The following ZNF605 variants were observed in gnomAD, a reference collection of about 807,000 sequenced individuals.
ZNF605 encodes zinc finger protein 605.
ZNF605 carries 9 observed loss-of-function variants against 7.9 expected under a neutral mutation model. That is an observed-to-expected ratio of 1.14 (90% CI 0.68 to 1.98). The LOEUF is 1.98. Among genes scored for constraint, ZNF605 ranks in the 30% most tolerant of loss-of-function variants. The pLI is 0.00. For synonymous variants in ZNF605, 255 were observed against 260.1 expected (o/e 0.98, Z 0.19); for missense variants, 673 against 762.4 (o/e 0.88, Z 1.38).
chr12:132,933,172 C>T lies in ZNF605; in HGVS notation c.16-17G>A. On this transcript the variant is annotated splice_polypyrimidine_tract_variant and intron_variant, in intron 3 of 4. Coordinates refer to ENST00000360187, the MANE Select transcript of ZNF605 (RefSeq NM_183238.4). This position sits in a 1 kb window ranked among gnomAD's most constrained non-coding sequence, Gnocchi z 4.4. ...AAATGATATCTGGAAAAGCATAATC[C>T]CTGTTAAACCTGAAGTGGTTCTCAT... The T allele has an allele frequency of 6.3e-7, 1 of 1,590,966 alleles. No individual in the cohort carries two copies. Among genetic ancestry groups the T allele is most frequent in the Non-Finnish European group, 8.6e-7 (1 of 1,169,514 alleles).
At chr12:132,928,433 T>C (rs977098898) in intron 4 of ZNF605, among the ~76,000 whole-genome samples, 1 of 152,186 alleles carries the variant, frequency 6.6e-6, no homozygotes, top group African/African-American at 2.4e-5. Context: ...TTTATTCAAC[T>C]TCTTCACATT....
rs1952206360 is a variant in ZNF605 at position 132,921,656 on chromosome 12, T to C, written c.*3717A>G. ...CACAGACTACAACGTCAATGAAGCC[T>C]CCTGGCATTGTCGGAAATAGAAAAC... On this transcript the variant is annotated 3_prime_UTR_variant, in exon 5 of 5. Coordinates refer to ENST00000360187, the MANE Select transcript of ZNF605 (RefSeq NM_183238.4). 2 of 152,216 alleles carry C rather than the reference T, an allele frequency of 1.3e-5. No homozygotes were observed. The highest frequency in any genetic ancestry group is 4.1e-4 in the South Asian group (2 of 4,834). 9.4% of individuals were successfully genotyped at this position (152,216 alleles called of 1,614,324 possible).
chr12:132,952,054 C>G (rs1208290257), intron 1 of ZNF605, among the ~76,000 whole-genome samples: 1 of 152,080 alleles, frequency 6.6e-6, no homozygotes. Context: ...ACACCAGGCA[C>G]TGTTCTGAGC....
Position 132,927,170 on chromosome 12 carries a change from G to A in ZNF605, c.137-8C>T, listed in dbSNP as rs1351578963. 7.2e-6 allele frequency: 11 copies of A among 1,530,848 alleles called. No homozygotes were observed. The highest frequency in any genetic ancestry group is 2.2e-5 in the Admixed American group (1 of 45,646). 94.8% of individuals were successfully genotyped at this position (1,530,848 alleles called of 1,614,324 possible). On this transcript the variant is annotated splice_polypyrimidine_tract_variant and splice_region_variant and intron_variant, in intron 4 of 4. Coordinates refer to ENST00000360187, the MANE Select transcript of ZNF605 (RefSeq NM_183238.4). ...GATTATCTAGCCAGACTTCTAAAAA[G>A]AGAAAAAAATGAACCATACTGTGTA...
chr12:132,954,220 C>T (rs1404820518), intron 1 of ZNF605, among the ~76,000 whole-genome samples: 1 of 149,988 alleles, frequency 6.7e-6, no homozygotes, highest in Non-Finnish European at 1.5e-5. Flanking sequence ...AATACAGATG[C>T]CAGACACCAT....
Position 132,927,106 on chromosome 12 carries a change from T to G in ZNF605, c.193A>C (p.Ser65Arg). ...TCATATTTATGGCCTCTCTCCATAC[T>G]TTTAAGGTTGTCTTGATTATCTCGG... Reference protein sequence around the residue: ...WLRDNQDNLKSMERGHKYDVF... With the variant: ...WLRDNQDNLKRMERGHKYDVF... Residue 65 changes from serine (S) to arginine (R), a missense_variant, in exon 5 of 5, where the codon AGT becomes CGT. Ser to Arg is a moderately radical substitution (Grantham distance 110). Coordinates refer to ENST00000360187, the MANE Select transcript of ZNF605 (RefSeq NM_183238.4). 1 of 1,589,216 alleles carries G rather than the reference T, an allele frequency of 6.3e-7. No homozygotes were observed. The highest frequency in any genetic ancestry group is 8.5e-7 in the Non-Finnish European group (1 of 1,176,702).
intron 4 of ZNF605, among the ~76,000 whole-genome samples, chr12:132,928,338 T>G (rs1446659264): frequency 3.9e-5 from 6 of 152,206 alleles, no homozygotes; most frequent in African/African-American, 1.4e-4. Context: ...ATTACTTAAA[T>G]CACTGATATC....
chr12:132,955,497 G>T (rs1952627076), intron 1 of ZNF605, among the ~76,000 whole-genome samples: 1 of 152,218 alleles, frequency 6.6e-6, no homozygotes, highest in Non-Finnish European at 1.5e-5. Context: ...GCAGGTCTGT[G>T]TGAACAAGGG....
rs1952489195 is a variant in ZNF605 at position 132,945,808 on chromosome 12, A to AG, written c.-162-12dup. 2.3e-6 allele frequency: 2 copies of AG among 868,176 alleles called. No individual in the cohort carries two copies. The highest frequency in any genetic ancestry group is 4.9e-5 in the East Asian group (2 of 41,200). 53.8% of individuals were successfully genotyped at this position (868,176 alleles called of 1,614,324 possible). A position where few individuals can be genotyped will look rare whatever the true frequency, so the allele number is the denominator to read the frequency against. On this transcript the variant is annotated splice_polypyrimidine_tract_variant and intron_variant, in intron 2 of 4. Transcript: ENST00000360187. ...CCAGAGGGCTATTGCCTGTGGATGC[A>AG]GTGGACATTTTATTTTAGATGATCT...
At chr12:132,935,009 A>C (rs1952349393) in intron 3 of ZNF605, among the ~76,000 whole-genome samples, 1 of 152,142 alleles carries the variant, frequency 6.6e-6, no homozygotes. Context: ...ATGGAAATAA[A>C]GTGTGTTTTC....
At chr12:132,932,937 C>G (rs1952322176) in intron 4 of ZNF605, 98 bp downstream of exon 4, 2 of 1,449,130 alleles carry the variant, frequency 1.4e-6, no homozygotes, top group Admixed American at 2.4e-5. Context: ...GTATAAAAGT[C>G]AAATAATCTT....
intron 3 of ZNF605, among the ~76,000 whole-genome samples, chr12:132,935,095 C>A (rs74365281): frequency 0.014 from 2,190 of 152,116 alleles, 53 homozygotes; most frequent in African/African-American, 0.045. Context: ...TAAAAGGGAA[C>A]GTGGAAACCT....
Position 132,920,994 on chromosome 12 carries a change from T to A in ZNF605, c.*4379A>T, listed in dbSNP as rs1023082578. ...GGCATGTGCCACCATGCCCGGCTAA[T>A]TTTTTTGTATTTAGTAGAGACGGGG... is the stretch of plus-strand genomic sequence containing the variant. On this transcript the variant is annotated 3_prime_UTR_variant, in exon 5 of 5. Transcript: ENST00000360187. The A allele has an allele frequency of 6.6e-6, 1 of 152,166 alleles. No individual in the cohort carries two copies. Among genetic ancestry groups the A allele is most frequent in the Non-Finnish European group, 1.5e-5 (1 of 68,062 alleles). 9.4% of individuals were successfully genotyped at this position (152,166 alleles called of 1,614,324 possible).
At chr12:132,953,322 G>T (rs1952592373) in intron 1 of ZNF605, among the ~76,000 whole-genome samples, 1 of 152,170 alleles carries the variant, frequency 6.6e-6, no homozygotes, top group East Asian at 1.9e-4. Context: ...AAGACCCCAG[G>T]CGGTAACTCT....
intron 1 of ZNF605, among the ~76,000 whole-genome samples, chr12:132,953,450 T>C (rs1456905263): frequency 6.6e-6 from 1 of 152,198 alleles, no homozygotes; most frequent in Non-Finnish European, 1.5e-5. Context: ...TTTTTTAAGA[T>C]GGAGTCTCAC....
rs200389020 is a variant in ZNF605 at position 132,926,750 on chromosome 12, T to C, written c.549A>G (p.Gln183=). 6.2e-7 allele frequency: 1 copy of C among 1,613,962 alleles called. No individual in the cohort carries two copies. The highest frequency in any genetic ancestry group is 8.5e-7 in the Non-Finnish European group (1 of 1,179,810). ...TATGAGTTCTCTGGTGTATAACAAGTTGTGACTTCTTGTTAAAAAATCTGC... is the reference window on the plus strand; with the variant it reads ...TATGAGTTCTCTGGTGTATAACAAGCTGTGACTTCTTGTTAAAAAATCTGC... ...ECGRFFNKKS[Q]LVIHQRTHTG... The change falls in exon 5 of 5, where the codon CAA becomes CAG. Residue 183 remains glutamine (Q), a synonymous_variant. Transcript: ENST00000360187.
chr12:132,940,482 G>A (rs1396275745), intron 3 of ZNF605, among the ~76,000 whole-genome samples: 1 of 152,178 alleles, frequency 6.6e-6, no homozygotes, highest in Non-Finnish European at 1.5e-5. Flanking sequence ...ACGTACTGTG[G>A]ATGCTACAGG....
intron 4 of ZNF605, among the ~76,000 whole-genome samples, chr12:132,928,120 A>T (rs988096719): frequency 8.3e-6 from 1 of 120,668 alleles, no homozygotes; most frequent in Non-Finnish European, 2.0e-5. Flanking sequence ...TAGTATCAGA[A>T]GATCAGAGAA....
chr12:132,954,507 C>T (rs993033189), intron 1 of ZNF605, among the ~76,000 whole-genome samples: 3 of 74,950 alleles, frequency 4.0e-5, no homozygotes, highest in Admixed American at 1.5e-4. Context: ...ACACACTGGT[C>T]TCCATTCACT....
Sources: gnomAD v4.1 joint callset for allele counts (sites outside exome capture counted in the v4.1 genomes callset) on GRCh38, gnomAD v4.1.1 for gene constraint, Gnocchi (gnomAD v3.1) non-coding constraint, MANE v1.5 for transcripts, NCBI Gene and HGNC (gene_info 2026-07-23, HGNC 2026-07-21) for gene names.